Variants in GRAMD2A observed in about 807,000 individuals in gnomAD.
GRAMD2A encodes the protein GRAM domain containing 2A.
In GRAMD2A, 37 loss-of-function variants were observed where a neutral mutation model predicts 51.1. That is an observed-to-expected ratio of 0.72 (90% confidence interval 0.56 to 0.95). The LOEUF is 0.95. Ranked by LOEUF, GRAMD2A falls within the 40% of genes least tolerant of loss-of-function variation. The probability of loss-of-function intolerance (pLI) is 0.00; values close to 1 mark genes in which losing one functional copy is unlikely to be tolerated. For synonymous variants in GRAMD2A, 136 were observed against 157.1 expected (o/e 0.87, Z 1.01); for missense variants, 414 against 426.9 (o/e 0.97, Z 0.27).
chr15:72,163,598 C>T lies in GRAMD2A; in HGVS notation c.745+15G>A. ...TTTGCAAGTAGTTGCCATGGACAAG[C>T]CCTCCCGAACTTACCAGACATTGGA... On this transcript the variant is annotated intron_variant, in intron 9 of 11. Transcript: ENST00000309731. The T allele has an allele frequency of 6.9e-6, 11 of 1,590,312 alleles. No homozygotes were observed. Among genetic ancestry groups the T allele is most frequent in the Non-Finnish European group, 9.4e-6 (11 of 1,170,494 alleles).
chr15:72,167,604 G>A (rs558781327), intron 5 of GRAMD2A, 132 bp downstream of exon 5: 242 of 727,114 alleles, frequency 3.3e-4, no homozygotes, highest in African/African-American at 3.3e-3. Flanking sequence ...TCGAAGCTGC[G>A]CATCCAACCA....
At chr15:72,179,301 C>A (rs1447091709) in intron 1 of GRAMD2A, among the ~76,000 whole-genome samples, 12 of 152,238 alleles carry the variant, frequency 7.9e-5, no homozygotes, top group Admixed American at 7.9e-4. Flanking sequence ...AGCTGACCAG[C>A]AGCCTCTTTA....
At chr15:72,167,165 C>A in intron 5 of GRAMD2A, 73 bp from the exon 6 acceptor site, 1 of 1,148,576 alleles carries the variant, frequency 8.7e-7, no homozygotes, top group Non-Finnish European at 1.3e-6. Context: ...TGCCTAGGGA[C>A]CCAGCTGTGA....
chr15:72,191,072 T>C (rs1351815458), intron 1 of GRAMD2A, among the ~76,000 whole-genome samples: 2 of 152,224 alleles, frequency 1.3e-5, no homozygotes, highest in Admixed American at 6.5e-5. Flanking sequence ...AAATGACTCA[T>C]TGGCCACCTT....
At chr15:72,197,361 G>A (rs927297432) in intron 1 of GRAMD2A, among the ~76,000 whole-genome samples, 2 of 152,212 alleles carry the variant, frequency 1.3e-5, no homozygotes, top group Non-Finnish European at 2.9e-5. Flanking sequence ...CGCGGGCAAC[G>A]AATGATGAAT....
rs2081591588 is a variant in GRAMD2A, at chr15:72,169,874, T to G, written c.107A>C (p.Asp36Ala). ...GTAGTCCGGGGGCTCCTCAACTCTG[T>G]CTGGTTTCTCTTTGCAGGACACAGG... Reference protein sequence around the residue: ...NSPVSCKEKPDRVEEPPDYSL... With the variant: ...NSPVSCKEKPARVEEPPDYSL... The change falls in exon 2 of 12, where the codon GAC becomes GCC. Residue 36 changes from aspartate to alanine, a missense_variant. Asp to Ala is a moderately radical substitution (Grantham distance 126, BLOSUM62 -2). Coordinates refer to ENST00000309731, the MANE Select transcript of GRAMD2A (RefSeq NM_001012642.3). 6.2e-7 allele frequency: 1 copy of G among 1,613,992 alleles called. No homozygotes were observed. The highest frequency in any genetic ancestry group is 1.1e-5 in the South Asian group (1 of 91,084).
At chr15:72,176,156 C>T (rs2081651276) in intron 1 of GRAMD2A, 1 of 152,540 alleles carries the variant, frequency 6.6e-6, no homozygotes, top group Non-Finnish European at 1.5e-5. Flanking sequence ...CCCCTCCTGT[C>T]TCCAGTGGGC....
At chr15:72,167,269 T>C (rs1382972623) in intron 5 of GRAMD2A, among the ~76,000 whole-genome samples, 177 bp from the exon 6 acceptor site, 1 of 152,190 alleles carries the variant, frequency 6.6e-6, no homozygotes, top group Non-Finnish European at 1.5e-5. Context: ...CAGTTGTCCC[T>C]GCCACCCTGC....
At position 72,166,309 on chromosome 15, in the gene GRAMD2A, T is replaced by G. The variant is rs2081543747; in HGVS notation, c.543+323A>C. ...GGTGAGGCTAAGCTACGATGTTCTG[T>G]AGGTGATGTGTACCTCTATTAAACA... On this transcript the variant is annotated intron_variant, in intron 7 of 11. Transcript: ENST00000309731. This position sits in a 1 kb window ranked among gnomAD's most constrained non-coding sequence, Gnocchi z 4.1. Among the ~76,000 whole-genome samples, 1 of 152,274 alleles carries G rather than the reference T, an allele frequency of 6.6e-6. No homozygotes were observed. Among genetic ancestry groups the G allele is most frequent in the Non-Finnish European group, 1.5e-5 (1 of 68,048 alleles).
At chr15:72,184,624 G>A (rs2081722383) in intron 1 of GRAMD2A, among the ~76,000 whole-genome samples, 1 of 152,212 alleles carries the variant, frequency 6.6e-6, no homozygotes, top group African/African-American at 2.4e-5. Flanking sequence ...GGCTGGGCTC[G>A]GCCGAGGGCT....
At chr15:72,183,471 C>T (rs1026859940) in intron 1 of GRAMD2A, among the ~76,000 whole-genome samples, 2 of 151,926 alleles carry the variant, frequency 1.3e-5, no homozygotes, top group Non-Finnish European at 2.9e-5. Flanking sequence ...GCTGAGATCG[C>T]GCCACTGCAC....
chr15:72,192,191 A>T (rs1234699688), intron 1 of GRAMD2A, among the ~76,000 whole-genome samples: 13 of 152,224 alleles, frequency 8.5e-5, no homozygotes, highest in Non-Finnish European at 1.9e-4. Flanking sequence ...CCATGACTTG[A>T]TTATTGCTAA....
At chr15:72,163,825 A>C in intron 8 of GRAMD2A, 68 bp from the exon 9 acceptor site, 1 of 1,523,692 alleles carries the variant, frequency 6.6e-7, no homozygotes, top group Non-Finnish European at 8.8e-7. Context: ...AGGAGCCCAC[A>C]CCAGGTTTAT....
intron 5 of GRAMD2A, 35 bp downstream of exon 5, chr15:72,167,699 TCA>T: frequency 6.6e-7 from 1 of 1,512,640 alleles, no homozygotes; most frequent in Non-Finnish European, 9.2e-7. Flanking sequence ...CTGGCTCCCC[TCA>T]CAGGGTCATG....
At chr15:72,188,776 A>T (rs2081750177) in intron 1 of GRAMD2A, among the ~76,000 whole-genome samples, 2 of 151,880 alleles carry the variant, frequency 1.3e-5, no homozygotes, top group Non-Finnish European at 2.9e-5. Context: ...TCCGACCCCC[A>T]GGTTCAAGTG....
chr15:72,186,271 A>T (rs1485844782), intron 1 of GRAMD2A, among the ~76,000 whole-genome samples: 4 of 151,928 alleles, frequency 2.6e-5, no homozygotes, highest in African/African-American at 9.7e-5. Context: ...TTTCTAATAT[A>T]CATCAAATGC....
Position 72,197,716 on chromosome 15 carries a change from G to A in GRAMD2A, c.41+15C>T. On this transcript the variant is annotated intron_variant, in intron 1 of 11. Coordinates refer to ENST00000309731, the MANE Select transcript of GRAMD2A (RefSeq NM_001012642.3). ...CGGAACCCCCGAGACCGGCCCCCGGGCCGCAACCCCTTACCCGCCCTCCTC... is the reference window on the plus strand; with the variant it reads ...CGGAACCCCCGAGACCGGCCCCCGGACCGCAACCCCTTACCCGCCCTCCTC... 1 of 1,322,680 alleles carries A rather than the reference G, an allele frequency of 7.6e-7. No individual in the cohort carries two copies. 81.9% of individuals were successfully genotyped at this position (1,322,680 alleles called of 1,614,324 possible). A position where few individuals can be genotyped will look rare whatever the true frequency, so the allele number is the denominator to read the frequency against.
chr15:72,197,327 G>A (rs2081814752), intron 1 of GRAMD2A, among the ~76,000 whole-genome samples: 1 of 152,236 alleles, frequency 6.6e-6, no homozygotes. Context: ...TGGGTCGGGG[G>A]CAATTAGGAC....
chr15:72,172,603 A>AT (rs1436631792), intron 1 of GRAMD2A, among the ~76,000 whole-genome samples: 3 of 150,960 alleles, frequency 2.0e-5, no homozygotes, highest in Admixed American at 6.6e-5. Flanking sequence ...ATATATATAA[A>AT]TTTTTTAGCA....
Sources: gnomAD v4.1 joint callset for allele counts (sites outside exome capture counted in the v4.1 genomes callset) on GRCh38, gnomAD v4.1.1 for gene constraint, Gnocchi (gnomAD v3.1) non-coding constraint, MANE v1.5 for transcripts, NCBI Gene and HGNC (gene_info 2026-07-23, HGNC 2026-07-21) for gene names.